The following MYO3A variants were observed in gnomAD, a reference collection of about 807,000 sequenced individuals.
The protein encoded by MYO3A is myosin-IIIa.
MYO3A carries 180 observed loss-of-function variants against 192.7 expected under a neutral mutation model. The observed-to-expected ratio is 0.93, with a 90% CI of 0.83 to 1.06. The LOEUF is 1.06. Among genes scored for constraint, MYO3A ranks in the 50% least tolerant of loss-of-function variants. MYO3A has a pLI of 0.00. For synonymous variants in MYO3A, 628 were observed against 645.3 expected (o/e 0.97, Z 0.41); for missense variants, 1,896 against 1,905.0 (o/e 1.00, Z 0.09).
At position 26,164,233 on chromosome 10, in the gene MYO3A, A is replaced by T. The variant is rs1841618351; in HGVS notation, c.3000-1834A>T. Among the ~76,000 whole-genome samples, 3 of 152,356 alleles carry T rather than the reference A, an allele frequency of 2.0e-5. No homozygotes were observed. The South Asian group carries it at 6.2e-4, about 32-fold the overall frequency. Reference sequence around the variant, plus strand: ...AGTGGAAGAAACAGAATCATTACAGATGAGCGAGGCTTAAGGTGTTTGCTT... The same window carrying T: ...AGTGGAAGAAACAGAATCATTACAGTTGAGCGAGGCTTAAGGTGTTTGCTT... On this transcript the variant is annotated intron_variant, in intron 26 of 34. Transcript: ENST00000642920.
chr10:26,194,331 G>A (rs1340402573), intron 32 of MYO3A, among the ~76,000 whole-genome samples: 1 of 152,030 alleles, frequency 6.6e-6, no homozygotes, highest in African/African-American at 2.4e-5. Context: ...TTCTTCGTGG[G>A]ACCCGTGACT....
At chr10:25,982,018 G>T (rs1839359478) in intron 4 of MYO3A, among the ~76,000 whole-genome samples, 1 of 152,192 alleles carries the variant, frequency 6.6e-6, no homozygotes, top group African/African-American at 2.4e-5. Context: ...GTTACCAGCT[G>T]CCTGGAAATA....
intron 14 of MYO3A, among the ~76,000 whole-genome samples, chr10:26,076,579 C>T (rs1270169306): frequency 6.6e-6 from 1 of 152,064 alleles, no homozygotes; most frequent in Non-Finnish European, 1.5e-5. Context: ...CTTGCCTATG[C>T]CAATGTCTAA....
At position 25,989,745 on chromosome 10, in the gene MYO3A, G is replaced by A. The variant is rs549023583; in HGVS notation, c.304-6745G>A. Among the ~76,000 whole-genome samples, 5 of 152,242 alleles carry A rather than the reference G, an allele frequency of 3.3e-5. No individual in the cohort carries two copies. In the East Asian group the frequency reaches 9.6e-4, roughly 29 times the overall value. On this transcript the variant is annotated intron_variant, in intron 4 of 34. Transcript: ENST00000642920. ...ATCTAATCACCACATTAGAAAAATT[G>A]CATGAGAAAATTCATTCAGTTTTTC...
chr10:26,187,435 T>A lies in MYO3A; in HGVS notation c.4439-5770T>A, dbSNP rs377263516. ...AAGGTTGTTTTCCTCTGAGGCCTTT[T>A]TCCTTGCCTTTAGATGGTCATCTTC... On this transcript the variant is annotated intron_variant, in intron 31 of 34. Coordinates refer to ENST00000642920, the MANE Select transcript of MYO3A (RefSeq NM_017433.5). Among the ~76,000 whole-genome samples, 19 of 152,298 alleles carry A rather than the reference T, an allele frequency of 1.2e-4. No homozygotes were observed. In the East Asian group the frequency reaches 3.7e-3, roughly 29 times the overall value.
chr10:26,205,774 T>G (rs1434071541), intron 34 of MYO3A, among the ~76,000 whole-genome samples: 3 of 151,468 alleles, frequency 2.0e-5, no homozygotes, highest in Admixed American at 1.3e-4. Context: ...CCGCCATCAC[T>G]CCCGGCTAAT....
intron 32 of MYO3A, among the ~76,000 whole-genome samples, chr10:26,199,663 G>A (rs1843589257): frequency 6.6e-6 from 1 of 151,894 alleles, no homozygotes; most frequent in Non-Finnish European, 1.5e-5. Context: ...GTGTAACTGA[G>A]AACCAACTTA....
At chr10:26,192,024 G>T (rs1843159760) in intron 31 of MYO3A, among the ~76,000 whole-genome samples, 1 of 152,150 alleles carries the variant, frequency 6.6e-6, no homozygotes, top group African/African-American at 2.4e-5. Context: ...CTTGTATCCT[G>T]ATCTATCTGT....
chr10:26,129,131 C>T (rs1042740444), intron 20 of MYO3A, among the ~76,000 whole-genome samples: 2 of 152,104 alleles, frequency 1.3e-5, no homozygotes, highest in Non-Finnish European at 2.9e-5. Context: ...CTAAAGGAGT[C>T]ATATTTAATA....
At chr10:26,100,341 C>T (rs1837357321) in intron 17 of MYO3A, among the ~76,000 whole-genome samples, 1 of 152,076 alleles carries the variant, frequency 6.6e-6, no homozygotes, top group South Asian at 2.1e-4. Context: ...TTTTGTTAAT[C>T]TTTTCAAAAA....
intron 15 of MYO3A, 148 bp from the exon 16 acceptor site, chr10:26,096,233 A>G: frequency 1.6e-6 from 1 of 637,260 alleles, no homozygotes; most frequent in Non-Finnish European, 2.8e-6. Flanking sequence ...AATAATGACA[A>G]CAATAATGAC....
chr10:25,936,298 T>C (rs893045465), intron 2 of MYO3A, among the ~76,000 whole-genome samples: 24 of 152,118 alleles, frequency 1.6e-4, no homozygotes, highest in African/African-American at 5.6e-4. Context: ...TATTTGAAGG[T>C]CCATTATTTG....
intron 2 of MYO3A, among the ~76,000 whole-genome samples, chr10:25,948,875 A>G (rs1837028368): frequency 6.6e-6 from 1 of 152,096 alleles, no homozygotes. Flanking sequence ...CTGTTTCCAA[A>G]ATGCCTCTTT....
At chr10:26,024,978 C>T (rs1240406906) in intron 9 of MYO3A, among the ~76,000 whole-genome samples, 2 of 152,166 alleles carry the variant, frequency 1.3e-5, no homozygotes, top group Non-Finnish European at 2.9e-5. Context: ...CACTGTAACT[C>T]CAGTGTCTAG....
chr10:26,095,636 C>G (rs1836971420), intron 15 of MYO3A, among the ~76,000 whole-genome samples: 1 of 152,066 alleles, frequency 6.6e-6, no homozygotes, highest in South Asian at 2.1e-4. Context: ...CCCCAAGGTC[C>G]AAGAAATTAT....
In MYO3A at chr10:26,147,488, T is replaced by C; in HGVS notation, c.2564T>C (p.Ile855Thr). 4 of 1,613,936 alleles carry C rather than the reference T, an allele frequency of 2.5e-6. No homozygotes were observed. The highest frequency in any genetic ancestry group is 3.4e-6 in the Non-Finnish European group (4 of 1,179,856). Residue 855 changes from isoleucine (I) to threonine (T), a missense_variant, in exon 23 of 35, where the codon ATT (isoleucine) becomes ACT (threonine). By Grantham distance (89) the Ile-to-Thr change is moderately conservative (BLOSUM62 -1). Coordinates refer to ENST00000642920, the MANE Select transcript of MYO3A (RefSeq NM_017433.5). ...AKNRDTLPTD[I>T]VLLLRSSDNS... is the part of the protein sequence containing the mutation. Reference sequence around the variant, plus strand: ...AACAGAGACACTCTTCCTACTGACATTGTGCTACTTTTGAGGTCATCCGAC... The same window carrying C: ...AACAGAGACACTCTTCCTACTGACACTGTGCTACTTTTGAGGTCATCCGAC...
intron 17 of MYO3A, among the ~76,000 whole-genome samples, chr10:26,100,366 C>G (rs1455387770): frequency 6.6e-6 from 1 of 152,156 alleles, no homozygotes; most frequent in Non-Finnish European, 1.5e-5. Context: ...CTCCTGGATT[C>G]ATTGATTTTT....
At chr10:26,164,067 T>A (rs74683333) in intron 26 of MYO3A, among the ~76,000 whole-genome samples, 1,864 of 152,288 alleles carry the variant, frequency 0.012, 51 homozygotes, top group African/African-American at 0.043. Context: ...CCTGCATCCT[T>A]TATGAGTAAA....
chr10:26,139,247 A>G (rs764773105), intron 20 of MYO3A, among the ~76,000 whole-genome samples: 21 of 152,040 alleles, frequency 1.4e-4, no homozygotes, highest in Non-Finnish European at 2.1e-4. Context: ...AAATATATAT[A>G]TTTTTTGAGA....
Sources: gnomAD v4.1 joint callset for allele counts (sites outside exome capture counted in the v4.1 genomes callset) on GRCh38, gnomAD v4.1.1 for gene constraint, MANE v1.5 for transcripts, NCBI Gene and HGNC (gene_info 2026-07-23, HGNC 2026-07-21) for gene names.